Variants in ANKRD6 observed in about 807,000 individuals in gnomAD.
ANKRD6 encodes ankyrin repeat domain-containing protein 6.
In ANKRD6, 56 loss-of-function variants were observed where a neutral mutation model predicts 82.3. The observed-to-expected ratio is 0.68, with a 90% CI of 0.55 to 0.85. The LOEUF (loss-of-function observed/expected upper bound fraction) is 0.85. Ranked by LOEUF, ANKRD6 falls within the 40% of genes least tolerant of loss-of-function variation. The pLI, the probability that ANKRD6 is intolerant of heterozygous loss-of-function variation, is 0.00. For missense variants in ANKRD6, 852 were observed against 907.6 expected (o/e 0.94, Z 0.79); for synonymous variants, 347 against 352.1 (o/e 0.99, Z 0.16).
Position 89,561,296 on chromosome 6 carries a change from T to C in ANKRD6, c.-143-5538T>C, listed in dbSNP as rs1315824469. The C allele has an allele frequency of 2.0e-5, 3 of 152,236 alleles. No homozygotes were observed. In the East Asian group the frequency reaches 5.8e-4, roughly 29 times the overall value. The allele number at this position is 152,236 out of a possible 1,614,324, so 9.4% of individuals were successfully genotyped here. On this transcript the variant is annotated intron_variant, in intron 1 of 15. Coordinates refer to ENST00000339746, the MANE Select transcript of ANKRD6 (RefSeq NM_001242809.2). ...AAGAAGAGAGTTTTTGTGCTTTAAA[T>C]GGCTCAAGAAATAAACATACTTGTT...
At chr6:89,500,951 A>G (rs886491284) in intron 1 of ANKRD6, among the ~76,000 whole-genome samples, 4 of 150,812 alleles carry the variant, frequency 2.7e-5, no homozygotes, top group Non-Finnish European at 5.9e-5. Flanking sequence ...CACAGTCAGA[A>G]GAGGACTGTC....
intron 7 of ANKRD6, among the ~76,000 whole-genome samples, chr6:89,614,847 A>AC (rs1385915808): frequency 7.8e-4 from 115 of 147,468 alleles, no homozygotes; most frequent in African/African-American, 2.7e-3. Flanking sequence ...GGAAAAAAAA[A>AC]AAAACAAAAA....
intron 2 of ANKRD6, among the ~76,000 whole-genome samples, chr6:89,588,184 CAGT>C (rs375860760): frequency 0.84 from 127,376 of 151,836 alleles, 53,765 homozygotes; most frequent in East Asian, 0.95. Flanking sequence ...TTCCACCTTG[CAGT>C]TCTTGCAGTT....
intron 2 of ANKRD6, among the ~76,000 whole-genome samples, chr6:89,569,628 G>C (rs1455123909): frequency 6.6e-6 from 1 of 152,162 alleles, no homozygotes; most frequent in Admixed American, 6.5e-5. Context: ...GAATTGCTGG[G>C]TCGTATGGCA....
chr6:89,465,510 A>T (rs1288693733), intron 1 of ANKRD6, among the ~76,000 whole-genome samples: 2 of 152,094 alleles, frequency 1.3e-5, no homozygotes, highest in Admixed American at 6.5e-5. Flanking sequence ...TCTGGGCTCC[A>T]TGACTGCATG....
chr6:89,568,329 G>A (rs1789010597), intron 2 of ANKRD6: 1 of 152,220 alleles, frequency 6.6e-6, no homozygotes, highest in African/African-American at 2.4e-5. Context: ...AAGAGGGATA[G>A]TAATGTCAGC....
chr6:89,462,437 G>T (rs1370758870), intron 1 of ANKRD6, among the ~76,000 whole-genome samples: 2 of 151,874 alleles, frequency 1.3e-5, no homozygotes, highest in Admixed American at 1.3e-4. Context: ...TTCTATCTGC[G>T]TGCCTTAGAA....
At chr6:89,515,065 T>C (rs1781044252) in intron 1 of ANKRD6, among the ~76,000 whole-genome samples, 1 of 152,218 alleles carries the variant, frequency 6.6e-6, no homozygotes, top group African/African-American at 2.4e-5. Flanking sequence ...TTGAAGACAT[T>C]CTTTATGTCT....
At chr6:89,537,793 G>A (rs1784010582) in intron 1 of ANKRD6, among the ~76,000 whole-genome samples, 1 of 150,526 alleles carries the variant, frequency 6.6e-6, no homozygotes, top group Non-Finnish European at 1.5e-5. Context: ...CTACTCATGA[G>A]GCTGAGGCAG....
chr6:89,627,758 G>A lies in ANKRD6; in HGVS notation c.1485+62G>A. ...TTACCACACAGGCCCACTGAGCTCA[G>A]GCAGGCCTGCCACTGAAAACTCAGA... On this transcript the variant is annotated intron_variant, in intron 14 of 15. Coordinates refer to ENST00000339746, the MANE Select transcript of ANKRD6 (RefSeq NM_001242809.2). 3 of 1,492,034 alleles carry A rather than the reference G, an allele frequency of 2.0e-6. No individual in the cohort carries two copies. The South Asian group carries it at 3.5e-5, about 17-fold the overall frequency. 92.4% of individuals were successfully genotyped at this position (1,492,034 alleles called of 1,614,324 possible). A position where few individuals can be genotyped will look rare whatever the true frequency, so the allele number is the denominator to read the frequency against.
At chr6:89,606,812 C>T (rs1255643448) in intron 5 of ANKRD6, among the ~76,000 whole-genome samples, 2 of 151,022 alleles carry the variant, frequency 1.3e-5, no homozygotes, top group African/African-American at 4.9e-5. Context: ...GCCAAGATTG[C>T]ACCACTGCAC....
At chr6:89,552,353 A>G (rs1348464180) in intron 1 of ANKRD6, among the ~76,000 whole-genome samples, 1 of 152,182 alleles carries the variant, frequency 6.6e-6, no homozygotes, top group Non-Finnish European at 1.5e-5. Flanking sequence ...AGTATAGGAG[A>G]GGACCCTCAG....
chr6:89,468,272 A>G (rs1205822912), intron 1 of ANKRD6, among the ~76,000 whole-genome samples: 3 of 152,210 alleles, frequency 2.0e-5, no homozygotes, highest in African/African-American at 7.2e-5. Flanking sequence ...CATTTAATGA[A>G]ATATCCCATA....
intron 4 of ANKRD6, among the ~76,000 whole-genome samples, chr6:89,603,867 A>T (rs892030153): frequency 6.6e-6 from 1 of 152,178 alleles, no homozygotes; most frequent in African/African-American, 2.4e-5. Flanking sequence ...AAGGCGTGGT[A>T]GTGTACACAC....
chr6:89,477,267 G>A (rs1776163338), intron 1 of ANKRD6, among the ~76,000 whole-genome samples: 1 of 151,810 alleles, frequency 6.6e-6, no homozygotes, highest in Non-Finnish European at 1.5e-5. Context: ...TTTTCTTCTG[G>A]TGAAAGTAAT....
At chr6:89,490,992 G>A (rs76193506) in intron 1 of ANKRD6, among the ~76,000 whole-genome samples, 1 of 152,170 alleles carries the variant, frequency 6.6e-6, no homozygotes, top group African/African-American at 2.4e-5. Flanking sequence ...AAGAGGCAGA[G>A]GGAGACTTGA....
At chr6:89,488,905 A>G (rs896076737) in intron 1 of ANKRD6, among the ~76,000 whole-genome samples, 1 of 151,696 alleles carries the variant, frequency 6.6e-6, no homozygotes, top group African/African-American at 2.4e-5. Context: ...ATTCTATTCT[A>G]TTCTATTCTA....
chr6:89,624,662 G>C lies in ANKRD6; in HGVS notation c.1342G>C (p.Gly448Arg), dbSNP rs772309411. The change falls in exon 13 of 16, where the codon GGG becomes CGG. Residue 448 changes from glycine (G) to arginine (R), a missense_variant. Transcript: ENST00000339746. Reference protein sequence around the residue: ...SVQDKMNTKLGQMENKTQHQM... With the variant: ...SVQDKMNTKLRQMENKTQHQM... Reference sequence around the variant, plus strand: ...TCAGGACAAAATGAATACAAAGCTGGGGCAGATGGAGAATAAGACCCAGCA... The same window carrying C: ...TCAGGACAAAATGAATACAAAGCTGCGGCAGATGGAGAATAAGACCCAGCA... 1.9e-6 allele frequency: 3 copies of C among 1,601,014 alleles called. No homozygotes were observed. The highest frequency in any genetic ancestry group is 2.6e-6 in the Non-Finnish European group (3 of 1,173,658).
intron 1 of ANKRD6, among the ~76,000 whole-genome samples, chr6:89,468,293 T>C (rs1246335201): frequency 6.6e-6 from 1 of 152,178 alleles, no homozygotes; most frequent in Non-Finnish European, 1.5e-5. Flanking sequence ...TTACCTATAA[T>C]TTTTATTTGA....
Sources: gnomAD v4.1 joint callset for allele counts (sites outside exome capture counted in the v4.1 genomes callset) on GRCh38, gnomAD v4.1.1 for gene constraint, MANE v1.5 for transcripts, NCBI Gene and HGNC (gene_info 2026-07-23, HGNC 2026-07-21) for gene names.